Variants in ATP8B4 observed in about 807,000 individuals in gnomAD.
ATP8B4 encodes probable phospholipid-transporting ATPase IM.
In ATP8B4, 133 loss-of-function variants were observed where a neutral mutation model predicts 145.6. The observed-to-expected ratio is 0.91, with a 90% confidence interval of 0.79 to 1.05. The LOEUF is 1.05. Ranked by LOEUF, ATP8B4 falls within the 50% of genes least tolerant of loss-of-function variation. The pLI, the probability that ATP8B4 is intolerant of heterozygous loss-of-function variation, is 0.00. For synonymous variants in ATP8B4, 507 were observed against 492.9 expected (o/e 1.03, Z -0.38); for missense variants, 1,458 against 1,425.2 (o/e 1.02, Z -0.37).
At chr15:50,131,639 T>A (rs1021833754) in intron 1 of ATP8B4, among the ~76,000 whole-genome samples, 5 of 151,976 alleles carry the variant, frequency 3.3e-5, no homozygotes, top group African/African-American at 4.8e-5. Context: ...AACATTTCAA[T>A]ATCTTATAAT....
rs928492816 is a variant in ATP8B4 at position 50,114,148 on chromosome 15, G to A, written c.-43+4975C>T. ...TTTTTTAATTTTCATAGACTATTGG[G>A]AAACAGTTTGGTTACATGAGTAAGT... On this transcript the variant is annotated intron_variant, in intron 1 of 27. Transcript: ENST00000284509. Among the ~76,000 whole-genome samples, 6 of 89,044 alleles carry A rather than the reference G, an allele frequency of 6.7e-5. No homozygotes were observed. In the Admixed American group the frequency reaches 8.5e-4, roughly 13 times the overall value. The allele number at this position is 89,044 out of a possible 152,430, so 58.4% of individuals were successfully genotyped here.
intron 1 of ATP8B4, among the ~76,000 whole-genome samples, chr15:50,117,613 A>G (rs1254809474): frequency 6.6e-6 from 1 of 152,212 alleles, no homozygotes; most frequent in Non-Finnish European, 1.5e-5. Flanking sequence ...AAAAAAAGTG[A>G]AAACAGATCC....
Position 50,166,830 on chromosome 15 carries a change from G to A in ATP8B4, c.-43+15431C>T, listed in dbSNP as rs75510531. 5.8e-3 allele frequency among the ~76,000 whole-genome samples: 889 copies of A among 152,272 alleles called. 5 individuals are homozygous for A. The highest frequency in any genetic ancestry group is 8.7e-3 in the Non-Finnish European group (589 of 68,028). On this transcript the variant is annotated intron_variant, in intron 1 of 3. Coordinates refer to the ATP8B4 transcript ENST00000558829. ...ATAAGCCAATAGAACACCTGATTACGCAGAATCCATGCATGGGGGGTTGGG... is the reference window on the plus strand; with the variant it reads ...ATAAGCCAATAGAACACCTGATTACACAGAATCCATGCATGGGGGGTTGGG...
At chr15:50,023,779 C>CAAAAAAAAAAA (rs60030651) in intron 6 of ATP8B4, among the ~76,000 whole-genome samples, 8 of 75,056 alleles carry the variant, frequency 1.1e-4, no homozygotes, top group African/African-American at 2.7e-4. Context: ...AGACCAAAGG[C>CAAAAAAAAAAA]AAAAAAAAAA....
At chr15:49,868,223 C>T (rs1489446092) in intron 25 of ATP8B4, among the ~76,000 whole-genome samples, 1 of 152,106 alleles carries the variant, frequency 6.6e-6, no homozygotes, top group Admixed American at 6.5e-5. Flanking sequence ...AACCTAACAT[C>T]AAACTGTCAC....
chr15:50,025,704 A>G (rs773480923), intron 6 of ATP8B4, among the ~76,000 whole-genome samples: 3 of 152,182 alleles, frequency 2.0e-5, no homozygotes, highest in Non-Finnish European at 2.9e-5. Flanking sequence ...TTGTAATTAT[A>G]CACTACTTAG....
At chr15:50,001,057 CT>C (rs138509049) in intron 8 of ATP8B4, among the ~76,000 whole-genome samples, 13 of 150,934 alleles carry the variant, frequency 8.6e-5, no homozygotes, top group East Asian at 1.9e-4. Context: ...TGTGTCTTCT[CT>C]TTTTTTTTCT....
chr15:49,962,264 G>A (rs1005961399), intron 13 of ATP8B4, among the ~76,000 whole-genome samples: 1 of 152,186 alleles, frequency 6.6e-6, no homozygotes, highest in African/African-American at 2.4e-5. Flanking sequence ...AACAAAAAAT[G>A]AAGCAATTAT....
intron 25 of ATP8B4, among the ~76,000 whole-genome samples, chr15:49,871,567 A>G (rs1283725671): frequency 6.6e-6 from 1 of 152,230 alleles, no homozygotes; most frequent in Non-Finnish European, 1.5e-5. Context: ...GCCATCAAGG[A>G]CAGGCCTGCT....
chr15:49,997,144 T>C (rs2047498442), intron 8 of ATP8B4, among the ~76,000 whole-genome samples: 1 of 152,200 alleles, frequency 6.6e-6, no homozygotes, highest in East Asian at 1.9e-4. Flanking sequence ...ACTATCTACA[T>C]AGGAGTTTTA....
At chr15:50,038,960 G>T in intron 5 of ATP8B4, 131 bp from the exon 6 acceptor site, 1 of 730,962 alleles carries the variant, frequency 1.4e-6, no homozygotes, top group Non-Finnish European at 2.3e-6. Flanking sequence ...CACTGTTTGA[G>T]CTTCCTGTGA....
chr15:49,927,547 C>G (rs998879603), intron 16 of ATP8B4, among the ~76,000 whole-genome samples: 1 of 152,110 alleles, frequency 6.6e-6, no homozygotes, highest in African/African-American at 2.4e-5. Flanking sequence ...TTCATGCATT[C>G]TGTGGTAGAG....
At chr15:50,131,552 A>G (rs1010644428) in intron 1 of ATP8B4, among the ~76,000 whole-genome samples, 1 of 152,084 alleles carries the variant, frequency 6.6e-6, no homozygotes, top group African/African-American at 2.4e-5. Context: ...TCCCCAAGGA[A>G]CCAGATATGT....
intron 25 of ATP8B4, 35 bp from the exon 26 acceptor site, chr15:49,866,519 T>C (rs377068872): frequency 8.1e-6 from 13 of 1,608,872 alleles, no homozygotes; most frequent in African/African-American, 2.7e-5. Context: ...GGGAGGTCTT[T>C]GAGGATTAAA....
chr15:50,061,237 A>G (rs896874957), intron 3 of ATP8B4, among the ~76,000 whole-genome samples: 2 of 152,160 alleles, frequency 1.3e-5, no homozygotes, highest in Admixed American at 1.3e-4. Context: ...TCCACTTTCA[A>G]TTTAAGCTCT....
chr15:49,947,410 G>A (rs1438138211), intron 14 of ATP8B4, among the ~76,000 whole-genome samples: 4 of 132,300 alleles, frequency 3.0e-5, no homozygotes, highest in African/African-American at 1.2e-4. Context: ...CCAGCCTGGC[G>A]ACTGGCGACA....
intron 8 of ATP8B4, 21 bp from the exon 9 acceptor site, chr15:49,996,780 C>T (rs1205834518): frequency 1.9e-6 from 3 of 1,592,464 alleles, no homozygotes; most frequent in Non-Finnish European, 2.6e-6. Flanking sequence ...ATTGACATGA[C>T]ATGAATTTTT....
At position 49,950,614 on chromosome 15, in the gene ATP8B4, AC is replaced by A. The variant is rs1172924267; in HGVS notation, c.1287+11362del. ...CTAAAAAAAAAAAACAAACAAACAA[AC>A]AAACAAAAAAAACAACAACAACAAC... On this transcript the variant is annotated intron_variant, in intron 14 of 27. Transcript: ENST00000284509. 9.6e-4 allele frequency among the ~76,000 whole-genome samples: 87 copies of A among 90,606 alleles called. 3 individuals carry two copies. The highest frequency in any genetic ancestry group is 2.1e-3 in the East Asian group (6 of 2,862). The allele number at this position is 90,606 out of a possible 152,430, so 59.4% of individuals were successfully genotyped here.
At position 49,866,331 on chromosome 15, in the gene ATP8B4, ACATGACTCACTTAC is replaced by A. The variant is rs780221747; in HGVS notation, c.3166+1_3166+14del. 1.9e-6 allele frequency: 3 copies of A among 1,613,180 alleles called. No homozygotes were observed. In the African/African-American group the frequency reaches 4.0e-5, roughly 22 times the overall value. ...AGCAGACACTAGGTTCCACTAGTCA[ACATGACTCACTTAC>A]CAACAAATGGAAACTGGTTTGGGAA... is the stretch of plus-strand genomic sequence containing the variant. On this transcript the variant is annotated splice_donor_variant and splice_donor_5th_base_variant and intron_variant, in intron 26 of 27. Transcript: ENST00000284509. LOFTEE classifies it high-confidence loss of function.
Sources: allele counts gnomAD v4.1 joint callset (sites outside exome capture counted in the v4.1 genomes callset), GRCh38; gene constraint gnomAD v4.1.1; transcripts MANE v1.5; gene names NCBI Gene and HGNC (gene_info 2026-07-23, HGNC 2026-07-21).